Variants in CFAP299 observed in about 807,000 individuals in gnomAD.
CFAP299 encodes cilia and flagella associated protein 299.
A neutral mutation model predicts 27.0 loss-of-function variants in CFAP299; 21 were observed. That is an observed-to-expected ratio of 0.78 (90% CI 0.55 to 1.12). The LOEUF (loss-of-function observed/expected upper bound fraction) is 1.12, where lower values mean the gene tolerates loss of function less well. CFAP299 is among the 50% of genes most tolerant of loss of function. The pLI is 0.00. For synonymous variants in CFAP299, 104 were observed against 98.1 expected, an observed-to-expected ratio of 1.06 and a Z score of -0.36; for missense variants, 310 against 276.6, an observed-to-expected ratio of 1.12 and a Z score of -0.86.
intron 1 of CFAP299, among the ~76,000 whole-genome samples, chr4:80,344,379 C>G (rs1475020866): frequency 2.0e-5 from 3 of 152,098 alleles, no homozygotes; most frequent in South Asian, 2.1e-4. Flanking sequence ...CCTCTTCGTG[C>G]AGAAAATAGA....
At chr4:80,828,167 A>G (rs1283851297) in intron 3 of CFAP299, among the ~76,000 whole-genome samples, 1 of 150,744 alleles carries the variant, frequency 6.6e-6, no homozygotes, top group East Asian at 1.9e-4. Flanking sequence ...TTGCAATGAC[A>G]TTTTTTTTTG....
Position 80,381,703 on chromosome 4 carries a change from C to T in CFAP299, c.242+18819C>T, listed in dbSNP as rs1724706226. 3.5e-3 allele frequency among the ~76,000 whole-genome samples: 5 copies of T among 1,442 alleles called. 2 individuals carry two copies. The highest frequency in any genetic ancestry group is 3.5e-3 in the African/African-American group (5 of 1,416). The allele number at this position is 1,442 out of a possible 152,430, so 0.9% of individuals were successfully genotyped here. On this transcript the variant is annotated intron_variant, in intron 2 of 5. Coordinates refer to ENST00000358105, the MANE Select transcript of CFAP299 (RefSeq NM_152770.3). Reference sequence around the variant, plus strand: ...CTGGGATTACAGGCGTGAGCCACCGCGCCCGGCCCATATACATTTTTAAAA... The same window carrying T: ...CTGGGATTACAGGCGTGAGCCACCGTGCCCGGCCCATATACATTTTTAAAA...
At chr4:80,461,909 C>T (rs981902709) in intron 2 of CFAP299, among the ~76,000 whole-genome samples, 6 of 152,278 alleles carry the variant, frequency 3.9e-5, no homozygotes, top group Non-Finnish European at 7.4e-5. Flanking sequence ...CTGCCCACTT[C>T]CCTCCATCTA....
intron 3 of CFAP299, among the ~76,000 whole-genome samples, chr4:80,806,734 T>C (rs1728883656): frequency 6.6e-6 from 1 of 152,230 alleles, no homozygotes; most frequent in Non-Finnish European, 1.5e-5. Context: ...TGCTAGGCAT[T>C]GCTGGTGAAA....
At chr4:80,359,124 T>A (rs182058452) in intron 1 of CFAP299, among the ~76,000 whole-genome samples, 15 of 152,288 alleles carry the variant, frequency 9.8e-5, no homozygotes, top group Admixed American at 9.8e-4. Context: ...TTTTCTTTTC[T>A]TTAAGAATGT....
chr4:80,485,805 C>T (rs552308354), intron 2 of CFAP299, among the ~76,000 whole-genome samples: 2 of 152,202 alleles, frequency 1.3e-5, no homozygotes, highest in East Asian at 1.9e-4. Context: ...TTTTCACATA[C>T]GTAGTAAAGG....
chr4:80,369,945 A>T (rs896628931), intron 2 of CFAP299, among the ~76,000 whole-genome samples: 1 of 152,210 alleles, frequency 6.6e-6, no homozygotes, highest in Non-Finnish European at 1.5e-5. Context: ...TACAATGGGT[A>T]TATCAGTTCA....
intron 2 of CFAP299, among the ~76,000 whole-genome samples, chr4:80,408,834 TG>T (rs34924452): frequency 0.93 from 141,574 of 151,888 alleles, 66,681 homozygotes; most frequent in East Asian, 1. Flanking sequence ...TAACTTTTGC[TG>T]GTTTTTTTTC....
At chr4:80,672,400 G>T (rs533661785) in intron 3 of CFAP299, among the ~76,000 whole-genome samples, 1 of 152,274 alleles carries the variant, frequency 6.6e-6, no homozygotes, top group South Asian at 2.1e-4. Context: ...GCTGGATTCG[G>T]TTTGCCAGTA....
intron 2 of CFAP299, among the ~76,000 whole-genome samples, chr4:80,542,386 G>T (rs1350505116): frequency 6.6e-6 from 1 of 152,100 alleles, no homozygotes; most frequent in Non-Finnish European, 1.5e-5. Context: ...CCAGAATATC[G>T]AGTAAACTGT....
At chr4:80,925,244 C>A (rs1203812050) in intron 4 of CFAP299, among the ~76,000 whole-genome samples, 1 of 151,816 alleles carries the variant, frequency 6.6e-6, no homozygotes, top group Non-Finnish European at 1.5e-5. Flanking sequence ...TCTGTCTTTC[C>A]TGAACAAAAT....
At chr4:80,527,567 A>C in intron 2 of CFAP299, among the ~76,000 whole-genome samples, 2 of 152,170 alleles carry the variant, frequency 1.3e-5, no homozygotes, top group Non-Finnish European at 2.9e-5. Flanking sequence ...AAGCCCATCC[A>C]TAATCAGGCT....
intron 3 of CFAP299, among the ~76,000 whole-genome samples, chr4:80,687,868 T>C (rs1720318747): frequency 6.6e-6 from 1 of 152,182 alleles, no homozygotes; most frequent in Admixed American, 6.5e-5. Context: ...AGGCATTGCC[T>C]CACTGGGGAA....
At chr4:80,790,739 ATTATAG>A (rs1246924616) in intron 3 of CFAP299, among the ~76,000 whole-genome samples, 2 of 152,058 alleles carry the variant, frequency 1.3e-5, no homozygotes, top group Non-Finnish European at 2.9e-5. Flanking sequence ...ATGGTGCTCT[ATTATAG>A]CAGCCCAAAC....
intron 3 of CFAP299, among the ~76,000 whole-genome samples, chr4:80,825,282 C>G (rs1407653079): frequency 6.6e-6 from 1 of 151,704 alleles, no homozygotes; most frequent in African/African-American, 2.4e-5. Context: ...GGTGGGATAT[C>G]TTCAAGCAAA....
At chr4:80,651,421 A>C (rs77956205) in intron 3 of CFAP299, among the ~76,000 whole-genome samples, 2,494 of 143,330 alleles carry the variant, frequency 0.017, 50 homozygotes, top group Admixed American at 0.063. Context: ...GCTTGACTGC[A>C]GTGGCACGAT....
chr4:80,761,255 A>T (rs540182590), intron 3 of CFAP299, among the ~76,000 whole-genome samples: 7 of 152,258 alleles, frequency 4.6e-5, no homozygotes, highest in African/African-American at 1.4e-4. Flanking sequence ...AGTATAACAT[A>T]AACAAGAACA....
intron 3 of CFAP299, among the ~76,000 whole-genome samples, chr4:80,702,816 A>G (rs181379003): frequency 3.0e-4 from 45 of 151,954 alleles, no homozygotes; most frequent in African/African-American, 1.1e-3. Flanking sequence ...GAAAAACTCA[A>G]AACAATTCCA....
At chr4:80,686,941 T>A (rs759457588) in intron 3 of CFAP299, among the ~76,000 whole-genome samples, 25 of 152,210 alleles carry the variant, frequency 1.6e-4, no homozygotes, top group Non-Finnish European at 2.6e-4. Flanking sequence ...ATTAGATGTA[T>A]TCCCTCTAAT....
Sources: gnomAD v4.1 joint callset for allele counts (sites outside exome capture counted in the v4.1 genomes callset) on GRCh38, gnomAD v4.1.1 for gene constraint, MANE v1.5 for transcripts, NCBI Gene and HGNC (gene_info 2026-07-23, HGNC 2026-07-21) for gene names.